The following SMIM31 variants were observed in gnomAD, a reference collection of about 807,000 sequenced individuals.
SMIM31 encodes the protein small integral membrane protein 31.
intron 2 of SMIM31, among the ~76,000 whole-genome samples, chr4:164,778,095 G>A (rs1057502434): frequency 1.3e-5 from 2 of 152,174 alleles, no homozygotes; most frequent in Non-Finnish European, 2.9e-5. Context: ...CAGAGTCAAA[G>A]TCATAAACCT....
Position 164,792,161 on chromosome 4 carries a change from C to T in SMIM31, c.113-8930C>T, listed in dbSNP as rs1733110073. Among the ~76,000 whole-genome samples, 3 of 152,302 alleles carry T rather than the reference C, an allele frequency of 2.0e-5. No individual in the cohort carries two copies. In the South Asian group the frequency reaches 6.2e-4, roughly 32 times the overall value. ...TGAGATTCTGCATTGTTTCAGAATG[C>T]TCTCAAGTGACATCATGGTGCTAGG... On this transcript the variant is annotated intron_variant, in intron 2 of 2. Transcript: ENST00000507311.
intron 2 of SMIM31, among the ~76,000 whole-genome samples, chr4:164,773,300 T>A (rs1732836943): frequency 6.6e-6 from 1 of 152,152 alleles, no homozygotes. Context: ...ATTCTGCCTT[T>A]CGAAAAATCA....
At chr4:164,789,987 A>T (rs1733079154) in intron 2 of SMIM31, among the ~76,000 whole-genome samples, 2 of 152,200 alleles carry the variant, frequency 1.3e-5, no homozygotes, top group South Asian at 4.1e-4. Context: ...CCTAAAATAC[A>T]CATTTATTCA....
At position 164,773,233 on chromosome 4, in the gene SMIM31, A is replaced by G. The variant is rs527338208; in HGVS notation, c.112+2678A>G. 3.9e-5 allele frequency among the ~76,000 whole-genome samples: 6 copies of G among 152,258 alleles called. No individual in the cohort carries two copies. The South Asian group carries it at 1.0e-3, about 26-fold the overall frequency. ...AGGCTGGCATACTATTTCAGCACAG[A>G]GCACAAATTTGTGATTAGTCACTCC... On this transcript the variant is annotated intron_variant, in intron 2 of 2. Coordinates refer to ENST00000507311, the MANE Select transcript of SMIM31 (RefSeq NM_001352885.1).
At chr4:164,770,347 A>G in intron 1 of SMIM31, 72 bp from the exon 2 acceptor site, 1 of 397,540 alleles carries the variant, frequency 2.5e-6, no homozygotes. Context: ...GTTGAATTCT[A>G]AAATAAATCA....
intron 2 of SMIM31, among the ~76,000 whole-genome samples, chr4:164,772,614 T>C (rs1484026008): frequency 2.0e-5 from 3 of 150,648 alleles, no homozygotes; most frequent in Non-Finnish European, 3.0e-5. Context: ...AGTCTCGCTC[T>C]GTCGCCCAGG....
rs114533578 is a variant in SMIM31, at chr4:164,770,474, G to A, written c.31G>A (p.Ala11Thr). Residue 11 changes from alanine to threonine, a missense_variant, in exon 2 of 3, where the codon GCA becomes ACA. Ala to Thr is a moderately conservative substitution (Grantham distance 58, BLOSUM62 0). Coordinates refer to ENST00000507311, the MANE Select transcript of SMIM31 (RefSeq NM_001352885.1). ...GCTTCCCTACACCAACTTGGAAATGGCATTCATTTTATTGGCTTTTGTTAT... is the reference window on the plus strand; with the variant it reads ...GCTTCCCTACACCAACTTGGAAATGACATTCATTTTATTGGCTTTTGTTAT... MELPYTNLEM[A>T]FILLAFVIFS... 716 of 398,942 alleles carry A rather than the reference G, an allele frequency of 1.8e-3. 5 individuals are homozygous for A. Among genetic ancestry groups the A allele is most frequent in the African/African-American group, 8.0e-3 (392 of 48,718 alleles). 24.7% of individuals were successfully genotyped at this position (398,942 alleles called of 1,614,324 possible). A position where few individuals can be genotyped will look rare whatever the true frequency, so the allele number is the denominator to read the frequency against.
intron 2 of SMIM31, among the ~76,000 whole-genome samples, chr4:164,798,122 C>G (rs1733229184): frequency 1.3e-5 from 2 of 152,116 alleles, no homozygotes. Context: ...TTTTCTTTAT[C>G]CAATTATCCA....
At chr4:164,793,649 G>A (rs1179405377) in intron 2 of SMIM31, among the ~76,000 whole-genome samples, 1 of 152,092 alleles carries the variant, frequency 6.6e-6, no homozygotes, top group Non-Finnish European at 1.5e-5. Context: ...AAAAGAGCAA[G>A]ATCTCTGGTG....
chr4:164,780,281 G>C (rs889723674), intron 2 of SMIM31, among the ~76,000 whole-genome samples: 1 of 152,158 alleles, frequency 6.6e-6, no homozygotes, highest in Non-Finnish European at 1.5e-5. Flanking sequence ...CAAAAAATTA[G>C]CCAGGCGTGG....
chr4:164,775,010 G>A (rs1046068623), intron 2 of SMIM31, among the ~76,000 whole-genome samples: 14 of 152,214 alleles, frequency 9.2e-5, no homozygotes, highest in Non-Finnish European at 1.3e-4. Flanking sequence ...AAATGGGCCA[G>A]ACATTTGGGT....
chr4:164,761,904 C>G (rs182465432), intron 1 of SMIM31, among the ~76,000 whole-genome samples: 2 of 151,666 alleles, frequency 1.3e-5, no homozygotes, highest in Non-Finnish European at 2.9e-5. Context: ...GCCTGGGCGA[C>G]AGAGCAAGAC....
At chr4:164,787,290 G>A (rs770593257) in intron 2 of SMIM31, 2 of 151,828 alleles carry the variant, frequency 1.3e-5, no homozygotes, top group Non-Finnish European at 2.9e-5. Context: ...GAAAGAAATG[G>A]TGTTCACTTT....
chr4:164,777,043 T>A (rs1732887821), intron 2 of SMIM31, among the ~76,000 whole-genome samples: 1 of 152,202 alleles, frequency 6.6e-6, no homozygotes, highest in African/African-American at 2.4e-5. Flanking sequence ...AGATGATATA[T>A]GGGCTATTCA....
chr4:164,790,159 C>T (rs185239626), intron 2 of SMIM31, among the ~76,000 whole-genome samples: 1 of 152,128 alleles, frequency 6.6e-6, no homozygotes, highest in Non-Finnish European at 1.5e-5. Flanking sequence ...TTTCTAGGCA[C>T]ATTTTACTAA....
At chr4:164,765,396 A>G (rs1379387707) in intron 1 of SMIM31, among the ~76,000 whole-genome samples, 2 of 152,216 alleles carry the variant, frequency 1.3e-5, no homozygotes, top group South Asian at 2.1e-4. Context: ...TACATAATTC[A>G]GAAACCATAT....
At chr4:164,792,378 C>G (rs1378473727) in intron 2 of SMIM31, among the ~76,000 whole-genome samples, 1 of 151,992 alleles carries the variant, frequency 6.6e-6, no homozygotes, top group Non-Finnish European at 1.5e-5. Context: ...ATTTCTCCAC[C>G]CTTTGGGAAA....
chr4:164,779,157 A>T (rs1170869232), intron 2 of SMIM31, among the ~76,000 whole-genome samples: 7 of 152,178 alleles, frequency 4.6e-5, no homozygotes, highest in Non-Finnish European at 2.9e-5. Flanking sequence ...TGCCTAAAAC[A>T]CTGTAGTCTT....
At chr4:164,800,135 G>C (rs185797784) in intron 2 of SMIM31, among the ~76,000 whole-genome samples, 23 of 152,266 alleles carry the variant, frequency 1.5e-4, no homozygotes, top group Non-Finnish European at 3.1e-4. Context: ...CTCTTGCCTA[G>C]GGAATGCTTT....
Sources: gnomAD v4.1 joint callset for allele counts (sites outside exome capture counted in the v4.1 genomes callset) on GRCh38, gnomAD v4.1.1 for gene constraint, MANE v1.5 for transcripts, NCBI Gene and HGNC (gene_info 2026-07-23, HGNC 2026-07-21) for gene names.